ACVR2B: variants seen among roughly 807,000 people sequenced by gnomAD.
ACVR2B encodes the protein activin A receptor type 2B.
ACVR2B carries 18 observed loss-of-function variants against 65.1 expected under a neutral mutation model. That is an observed-to-expected ratio of 0.28 (90% CI 0.19 to 0.41). The LOEUF is 0.41. Among genes scored for constraint, ACVR2B ranks in the 10% least tolerant of loss-of-function variants. The pLI, the probability that ACVR2B is intolerant of heterozygous loss-of-function variation, is 1.00. For synonymous variants in ACVR2B, 298 were observed against 277.7 expected (o/e 1.07, Z -0.73); for missense variants, 482 against 682.7 (o/e 0.71, Z 3.28).
rs1418397935 is a variant in ACVR2B, at chr3:38,453,988, C to G, written c.-335C>G. 1 of 141,602 alleles carries G rather than the reference C, an allele frequency of 7.1e-6. No individual in the cohort carries two copies. Among genetic ancestry groups the G allele is most frequent in the Non-Finnish European group, 1.6e-5 (1 of 63,654 alleles). 8.8% of individuals were successfully genotyped at this position (141,602 alleles called of 1,614,324 possible). The stretch of plus-strand genomic sequence containing the variant: ...CCGTTCATGGCCCCTCCGGACTCGG[C>G]CCCTGCGCCCGGGGCCCGGGCCCAG... On this transcript the variant is annotated 5_prime_UTR_variant, in exon 1 of 11. Coordinates refer to ENST00000352511, the MANE Select transcript of ACVR2B (RefSeq NM_001106.4).
At chr3:38,480,433 T>C (rs1312097698) in intron 7 of ACVR2B, among the ~76,000 whole-genome samples, 1 of 152,196 alleles carries the variant, frequency 6.6e-6, no homozygotes, top group African/African-American at 2.4e-5. Context: ...TTGAGAAGTA[T>C]CAATTCATTT....
intron 1 of ACVR2B, 172 bp downstream of exon 1, chr3:38,454,546 C>G (rs1189523657): frequency 4.0e-6 from 2 of 495,406 alleles, no homozygotes; most frequent in African/African-American, 2.0e-5. Flanking sequence ...CCCGGCTCGC[C>G]GAACTTGGGG....
chr3:38,456,065 C>A (rs1392587179), intron 1 of ACVR2B, among the ~76,000 whole-genome samples: 1 of 152,220 alleles, frequency 6.6e-6, no homozygotes, highest in Non-Finnish European at 1.5e-5. Flanking sequence ...CGGCATCAGA[C>A]CCCTGGAAGG....
chr3:38,467,859 C>G (rs567661147), intron 1 of ACVR2B, among the ~76,000 whole-genome samples: 1 of 151,888 alleles, frequency 6.6e-6, no homozygotes, highest in Non-Finnish European at 1.5e-5. Flanking sequence ...GCTAATATTT[C>G]TAATAAATAT....
chr3:38,467,418 G>A (rs1360438296), intron 1 of ACVR2B, among the ~76,000 whole-genome samples: 2 of 151,802 alleles, frequency 1.3e-5, no homozygotes, highest in African/African-American at 4.8e-5. Context: ...ACTCCCGCCT[G>A]GGCAACAAGA....
chr3:38,472,117 A>G (rs974058394), intron 1 of ACVR2B, among the ~76,000 whole-genome samples: 1 of 151,884 alleles, frequency 6.6e-6, no homozygotes, highest in Non-Finnish European at 1.5e-5. Flanking sequence ...TCTGTTATAC[A>G]CTCCAGCCTT....
chr3:38,478,949 A>G (rs558337780), intron 5 of ACVR2B, among the ~76,000 whole-genome samples, 179 bp from the exon 6 acceptor site: 1 of 152,096 alleles, frequency 6.6e-6, no homozygotes, highest in African/African-American at 2.4e-5. Flanking sequence ...GGCCTAGCTT[A>G]ATACAGGTCT....
At chr3:38,470,127 T>C (rs1000892825) in intron 1 of ACVR2B, among the ~76,000 whole-genome samples, 5 of 152,144 alleles carry the variant, frequency 3.3e-5, no homozygotes, top group African/African-American at 9.7e-5. Flanking sequence ...AGGTCTAATA[T>C]GCTTATAATA....
chr3:38,483,581 T>C lies in ACVR2B; in HGVS notation c.*249T>C, dbSNP rs1710059008. On this transcript the variant is annotated 3_prime_UTR_variant, in exon 11 of 11. Coordinates refer to ENST00000352511, the MANE Select transcript of ACVR2B (RefSeq NM_001106.4). The surrounding 1 kb of genome is among the most constrained non-coding windows in gnomAD (Gnocchi z 4.8). ...CAAACAGCGGACACGTCAGCAGGCG[T>C]TGAGGTGCTGAGCTGTGGATGCAGA... The C allele has an allele frequency of 5.8e-6, 1 of 172,948 alleles. No homozygotes were observed. Among genetic ancestry groups the C allele is most frequent in the South Asian group, 1.9e-4 (1 of 5,304 alleles). 10.7% of individuals were successfully genotyped at this position (172,948 alleles called of 1,614,324 possible). A position where few individuals can be genotyped will look rare whatever the true frequency, so the allele number is the denominator to read the frequency against.
At chr3:38,474,817 G>A (rs990975388) in intron 1 of ACVR2B, 1 of 152,334 alleles carries the variant, frequency 6.6e-6, no homozygotes, top group African/African-American at 2.4e-5. Context: ...TGGTCTCAGG[G>A]GAGAGGGAAG....
intron 1 of ACVR2B, chr3:38,459,503 C>A: frequency 1.2e-6 from 1 of 808,128 alleles, no homozygotes; most frequent in Non-Finnish European, 1.5e-6. Context: ...TCTCTGCTCA[C>A]CTGGGGGCCT....
chr3:38,464,966 C>T (rs1709705242), intron 1 of ACVR2B, among the ~76,000 whole-genome samples: 1 of 152,072 alleles, frequency 6.6e-6, no homozygotes, highest in Non-Finnish European at 1.5e-5. Flanking sequence ...TTATGTCATC[C>T]TAGGCCTCGA....
At chr3:38,462,152 C>A (rs1180869092) in intron 1 of ACVR2B, among the ~76,000 whole-genome samples, 1 of 152,042 alleles carries the variant, frequency 6.6e-6, no homozygotes, top group Non-Finnish European at 1.5e-5. Context: ...CAAGATAGCA[C>A]CACTGCACTC....
rs184648987 is a variant in ACVR2B at position 38,478,527 on chromosome 3, T to G, written c.666+9T>G. 60 of 1,614,028 alleles carry G rather than the reference T, an allele frequency of 3.7e-5. No individual in the cohort carries two copies. Among genetic ancestry groups the G allele is most frequent in the Middle Eastern group, 3.3e-4 (2 of 6,038 alleles). On this transcript the variant is annotated intron_variant, in intron 5 of 10. Transcript: ENST00000352511. ...AGATCTTCCCACTCCAGGTGAGTGT[T>G]TGAGGGGCTCCATCCAGGTCCTCTG...
rs768493381 is a variant in ACVR2B, at chr3:38,484,762, G to A, written c.*1430G>A. 1 of 152,422 alleles carries A rather than the reference G, an allele frequency of 6.6e-6. No homozygotes were observed. The highest frequency in any genetic ancestry group is 1.5e-5 in the Non-Finnish European group (1 of 68,026). The allele number at this position is 152,422 out of a possible 1,614,324, so 9.4% of individuals were successfully genotyped here. On this transcript the variant is annotated 3_prime_UTR_variant, in exon 11 of 11. Coordinates refer to ENST00000352511, the MANE Select transcript of ACVR2B (RefSeq NM_001106.4). ...AAAAGTAAAAGAATTAAAACTTCAC[G>A]ACCACAGATCACCTCAAACCAGAAA...
chr3:38,482,910 T>C (rs1158775462), intron 10 of ACVR2B, among the ~76,000 whole-genome samples: 2 of 152,164 alleles, frequency 1.3e-5, no homozygotes, highest in Non-Finnish European at 2.9e-5. Flanking sequence ...GAACCTTTCC[T>C]AGGGCTGTGG....
intron 1 of ACVR2B, among the ~76,000 whole-genome samples, chr3:38,462,263 A>T (rs1709661400): frequency 6.6e-6 from 1 of 152,246 alleles, no homozygotes; most frequent in South Asian, 2.1e-4. Context: ...CTAAAATGGT[A>T]TTCAAGCATT....
intron 1 of ACVR2B, among the ~76,000 whole-genome samples, chr3:38,460,253 C>CT (rs1559645736): frequency 6.6e-6 from 1 of 152,162 alleles, no homozygotes; most frequent in African/African-American, 2.4e-5. Flanking sequence ...TCTGGGCTTT[C>CT]TTTTTTGGTC....
rs1169138425 is a variant in ACVR2B at position 38,454,177 on chromosome 3, A to T, written c.-146A>T. ...CTTGGAGCCCGAACGCTGCTCGGGGACGAAGGCGCAGGAAGCGCGCAGGGA... is the reference window on the plus strand; with the variant it reads ...CTTGGAGCCCGAACGCTGCTCGGGGTCGAAGGCGCAGGAAGCGCGCAGGGA... On this transcript the variant is annotated 5_prime_UTR_variant, in exon 1 of 11. Transcript: ENST00000352511. 2.0e-6 allele frequency: 1 copy of T among 496,552 alleles called. No homozygotes were observed. The highest frequency in any genetic ancestry group is 2.8e-6 in the Non-Finnish European group (1 of 359,552). 30.8% of individuals were successfully genotyped at this position (496,552 alleles called of 1,614,324 possible).
Sources: allele counts gnomAD v4.1 joint callset (sites outside exome capture counted in the v4.1 genomes callset), GRCh38; gene constraint gnomAD v4.1.1; non-coding constraint Gnocchi (gnomAD v3.1); transcripts MANE v1.5; gene names NCBI Gene and HGNC (gene_info 2026-07-23, HGNC 2026-07-21).